Variants in SH3GL3 observed in about 807,000 individuals in gnomAD.
SH3GL3 encodes endophilin-A3.
In SH3GL3, 33 loss-of-function variants were observed where a neutral mutation model predicts 47.7. The observed-to-expected ratio is 0.69, with a 90% CI of 0.52 to 0.92. The LOEUF (loss-of-function observed/expected upper bound fraction) is 0.92, where lower values mean the gene tolerates loss of function less well. SH3GL3 is among the 40% of genes least tolerant of loss of function. The pLI is 0.00. For synonymous variants in SH3GL3, 155 were observed against 148.8 expected, an observed-to-expected ratio of 1.04 and a Z score of -0.30; for missense variants, 363 against 417.8, an observed-to-expected ratio of 0.87 and a Z score of 1.14.
intron 1 of SH3GL3, among the ~76,000 whole-genome samples, chr15:83,529,331 G>A (rs979387215): frequency 6.6e-6 from 1 of 152,196 alleles, no homozygotes; most frequent in African/African-American, 2.4e-5. Context: ...GCAGCAGTGG[G>A]CTGGATGAGT....
At chr15:83,501,596 A>G (rs1433601698) in intron 1 of SH3GL3, among the ~76,000 whole-genome samples, 1 of 152,176 alleles carries the variant, frequency 6.6e-6, no homozygotes. Context: ...TGCCTTTAAG[A>G]TTTACTGGCT....
intron 8 of SH3GL3, among the ~76,000 whole-genome samples, chr15:83,598,082 A>G (rs952393697): frequency 6.6e-6 from 1 of 152,304 alleles, no homozygotes; most frequent in East Asian, 1.9e-4. Context: ...AGGGGAAATA[A>G]GGGATGTTCT....
intron 1 of SH3GL3, among the ~76,000 whole-genome samples, chr15:83,549,541 T>C (rs571678374): frequency 2.4e-4 from 36 of 152,298 alleles, no homozygotes; most frequent in East Asian, 1.9e-3. Context: ...TTTTTCCTTA[T>C]TGGGGAGTCC....
intron 1 of SH3GL3, among the ~76,000 whole-genome samples, chr15:83,545,626 C>T (rs1308977235): frequency 6.6e-6 from 1 of 152,148 alleles, no homozygotes; most frequent in Admixed American, 6.5e-5. Context: ...TTATTCTAAT[C>T]TTCACAATCT....
At chr15:83,598,463 A>G (rs551096981) in intron 8 of SH3GL3, among the ~76,000 whole-genome samples, 109 of 152,278 alleles carry the variant, frequency 7.2e-4, no homozygotes, top group African/African-American at 2.6e-3. Context: ...ATTTTCCAAC[A>G]TTATTTGCAA....
chr15:83,615,023 T>G (rs578152648), intron 8 of SH3GL3, among the ~76,000 whole-genome samples: 2 of 151,830 alleles, frequency 1.3e-5, no homozygotes, highest in South Asian at 4.2e-4. Flanking sequence ...TCACTTGAAG[T>G]CTAGAGGGAG....
At chr15:83,503,021 C>T (rs2042356245) in intron 1 of SH3GL3, among the ~76,000 whole-genome samples, 1 of 152,080 alleles carries the variant, frequency 6.6e-6, no homozygotes, top group African/African-American at 2.4e-5. Context: ...TTTAATAGAA[C>T]ATAATTACTT....
chr15:83,450,804 A>AAAT (rs59484427), intron 1 of SH3GL3, among the ~76,000 whole-genome samples: 31 of 58,830 alleles, frequency 5.3e-4, no homozygotes, highest in East Asian at 3.1e-3. Flanking sequence ...TTTTTTTTTA[A>AAAT]TTTTTTTTTT....
At chr15:83,583,619 C>T (rs780203687) in intron 6 of SH3GL3, among the ~76,000 whole-genome samples, 1 of 152,160 alleles carries the variant, frequency 6.6e-6, no homozygotes, top group Non-Finnish European at 1.5e-5. Context: ...CTAAGATACT[C>T]CCAACGGCCA....
In SH3GL3 at chr15:83,555,713, C is replaced by T. The variant is rs530808721; in HGVS notation, c.46-3540C>T. ...TTTTTCCCAGCCTCATTTGCTTTTC[C>T]ATCCCCAGCTGTAAGCAGAACTTGA... On this transcript the variant is annotated intron_variant, in intron 1 of 8. Coordinates refer to ENST00000427482, the MANE Select transcript of SH3GL3 (RefSeq NM_003027.5). Among the ~76,000 whole-genome samples the T allele has an allele frequency of 2.0e-5, 3 of 152,154 alleles. No individual in the cohort carries two copies. The East Asian group carries it at 5.8e-4, about 29-fold the overall frequency.
At chr15:83,456,989 C>T (rs1596006025) in intron 1 of SH3GL3, among the ~76,000 whole-genome samples, 1 of 152,168 alleles carries the variant, frequency 6.6e-6, no homozygotes, top group Non-Finnish European at 1.5e-5. Flanking sequence ...TCTTGTTAAA[C>T]GTGGTACCTC....
At chr15:83,578,587 A>C (rs767805492) in intron 6 of SH3GL3, among the ~76,000 whole-genome samples, 18 of 152,114 alleles carry the variant, frequency 1.2e-4, no homozygotes, top group African/African-American at 4.1e-4. Context: ...GGAAATGCCA[A>C]TTTGAAATTT....
At chr15:83,619,284 G>T (rs2060901903), downstream of SH3GL3, among the ~76,000 whole-genome samples, 1 of 152,140 alleles carries the variant, frequency 6.6e-6, no homozygotes, top group Non-Finnish European at 1.5e-5. Flanking sequence ...TCTGTTCCTG[G>T]CTACTTACTG....
intron 1 of SH3GL3, among the ~76,000 whole-genome samples, chr15:83,460,057 CCTCCCTCCCTCCCTT>C: frequency 2.0e-3 from 24 of 11,878 alleles, no homozygotes; most frequent in Non-Finnish European, 9.5e-3. Flanking sequence ...TCCCTCCCTG[CCTCCCTCCCTCCCTT>C]CCTTCCTTCC....
intron 6 of SH3GL3, among the ~76,000 whole-genome samples, chr15:83,585,712 G>A (rs2059936634): frequency 6.6e-6 from 1 of 152,172 alleles, no homozygotes; most frequent in African/African-American, 2.4e-5. Flanking sequence ...TTTAAGGCTA[G>A]GCTTGTTGCT....
At chr15:83,487,119 A>G (rs1441047886) in intron 1 of SH3GL3, among the ~76,000 whole-genome samples, 2 of 152,010 alleles carry the variant, frequency 1.3e-5, no homozygotes, top group African/African-American at 4.8e-5. Context: ...CATATTTTCA[A>G]TTATTTGGGG....
At chr15:83,499,925 A>G (rs890380560) in intron 1 of SH3GL3, among the ~76,000 whole-genome samples, 2 of 152,216 alleles carry the variant, frequency 1.3e-5, no homozygotes, top group East Asian at 1.9e-4. Context: ...CAACTCCCTG[A>G]TATTTAAAAG....
At chr15:83,587,167 C>T in intron 7 of SH3GL3, 81 bp downstream of exon 7, 2 of 706,902 alleles carry the variant, frequency 2.8e-6, no homozygotes, top group Non-Finnish European at 4.8e-6. Flanking sequence ...CTCTCCATCT[C>T]TCCATCTCCC....
At chr15:83,616,113 A>C (rs559974673) in intron 8 of SH3GL3, among the ~76,000 whole-genome samples, 16 of 152,188 alleles carry the variant, frequency 1.1e-4, no homozygotes, top group Non-Finnish European at 2.4e-4. Context: ...TAATGTTTGT[A>C]CCAGAAATGA....
Sources: allele counts gnomAD v4.1 joint callset (sites outside exome capture counted in the v4.1 genomes callset), GRCh38; gene constraint gnomAD v4.1.1; transcripts MANE v1.5; gene names NCBI Gene and HGNC (gene_info 2026-07-23, HGNC 2026-07-21).